KCNMA1: variants seen among roughly 807,000 people sequenced by gnomAD.
The protein encoded by KCNMA1 is potassium calcium-activated channel subfamily M alpha 1.
A neutral mutation model predicts 140.0 loss-of-function variants in KCNMA1; 29 were observed. The ratio of observed to expected loss-of-function variants is 0.21; its 90% CI spans 0.15 to 0.28. KCNMA1 has a LOEUF of 0.28. KCNMA1 is among the 10% of genes least tolerant of loss of function. The pLI is 1.00. For missense variants in KCNMA1, 880 were observed against 1,602.2 expected (o/e 0.55, Z 7.70); for synonymous variants, 612 against 611.9 (o/e 1.00, Z 0.00).
chr10:77,167,285 G>A (rs189692640), intron 5 of KCNMA1, among the ~76,000 whole-genome samples: 26 of 152,158 alleles, frequency 1.7e-4, no homozygotes, highest in Admixed American at 1.4e-3. Flanking sequence ...TTCCATCCAC[G>A]GTGCCACAAA....
At chr10:77,061,695 C>A (rs2095756585) in intron 14 of KCNMA1, among the ~76,000 whole-genome samples, 1 of 152,212 alleles carries the variant, frequency 6.6e-6, no homozygotes, top group Admixed American at 6.5e-5. Flanking sequence ...TCCACACAAA[C>A]TTCCATGTAA....
chr10:77,052,294 C>G (rs2095397545), intron 14 of KCNMA1, among the ~76,000 whole-genome samples: 2 of 152,098 alleles, frequency 1.3e-5, no homozygotes, highest in Admixed American at 1.3e-4. Context: ...TAAGTTAACT[C>G]TGGGTAGATA....
At chr10:76,876,045 G>A (rs186147986), downstream of KCNMA1, 3 of 152,684 alleles carry the variant, frequency 2.0e-5, no homozygotes, top group Admixed American at 6.5e-5. Flanking sequence ...GTGGAAGCAC[G>A]ACTATATTGG....
At chr10:77,337,613 CTG>C (rs756740336) in intron 2 of KCNMA1, among the ~76,000 whole-genome samples, 127 of 152,192 alleles carry the variant, frequency 8.3e-4, no homozygotes, top group Non-Finnish European at 1.5e-3. Context: ...GAGTGAGACT[CTG>C]TGTCAAAAAA....
In KCNMA1 at chr10:77,015,441, C is replaced by T. The variant is rs115940821; in HGVS notation, c.2016-3398G>A. Reference sequence around the variant, plus strand: ...CTTGTTGGTTTTCCTTTACTATTTGCCCATAACTTTACAGTCTCTTCATAA... The same window carrying T: ...CTTGTTGGTTTTCCTTTACTATTTGTCCATAACTTTACAGTCTCTTCATAA... On this transcript the variant is annotated intron_variant, in intron 17 of 27. Transcript: ENST00000286628. 5.4e-3 allele frequency among the ~76,000 whole-genome samples: 826 copies of T among 152,162 alleles called. 8 individuals are homozygous for T. Among genetic ancestry groups the T allele is most frequent in the African/African-American group, 0.019 (790 of 41,512 alleles).
intron 16 of KCNMA1, among the ~76,000 whole-genome samples, chr10:77,026,004 T>A (rs370915636): frequency 0.023 from 3,167 of 137,012 alleles, 84 homozygotes; most frequent in African/African-American, 0.064. Context: ...AAAAAATATA[T>A]ATATATATAT....
At chr10:77,220,612 G>T (rs1290534647) in intron 3 of KCNMA1, among the ~76,000 whole-genome samples, 1 of 152,194 alleles carries the variant, frequency 6.6e-6, no homozygotes, top group East Asian at 1.9e-4. Flanking sequence ...GTTTCAAGGG[G>T]TCTTTTCTAG....
intron 20 of KCNMA1, among the ~76,000 whole-genome samples, chr10:76,960,396 C>T (rs1294019811): frequency 6.6e-6 from 1 of 151,874 alleles, no homozygotes; most frequent in Non-Finnish European, 1.5e-5. Flanking sequence ...AAAAATTAGC[C>T]AGGCAGATGG....
intron 1 of KCNMA1, among the ~76,000 whole-genome samples, chr10:77,432,341 C>G (rs2097172411): frequency 1.3e-5 from 2 of 152,230 alleles, no homozygotes; most frequent in South Asian, 4.1e-4. Context: ...TACTCTTACT[C>G]TGTTATGCTC....
intron 2 of KCNMA1, among the ~76,000 whole-genome samples, chr10:77,311,203 C>T (rs1360877361): frequency 6.6e-6 from 1 of 152,200 alleles, no homozygotes; most frequent in Non-Finnish European, 1.5e-5. Context: ...CATTACCAAG[C>T]CTGCACAACT....
At chr10:76,946,822 A>G (rs559194150) in intron 22 of KCNMA1, among the ~76,000 whole-genome samples, 1 of 152,344 alleles carries the variant, frequency 6.6e-6, no homozygotes, top group African/African-American at 2.4e-5. Context: ...TTCAAACTAC[A>G]AGAAATACAA....
At chr10:77,093,725 A>G (rs1173474313) in intron 9 of KCNMA1, among the ~76,000 whole-genome samples, 1 of 152,190 alleles carries the variant, frequency 6.6e-6, no homozygotes, top group African/African-American at 2.4e-5. Context: ...TTGCATCCTC[A>G]ATTATTAGAG....
At chr10:77,326,458 C>T (rs2084247902) in intron 2 of KCNMA1, among the ~76,000 whole-genome samples, 1 of 152,122 alleles carries the variant, frequency 6.6e-6, no homozygotes, top group African/African-American at 2.4e-5. Context: ...AAGCACATAG[C>T]ACAGAATCTG....
chr10:77,637,550 C>T lies in KCNMA1; in HGVS notation c.93G>A (p.Ala31=), dbSNP rs200670519. 1.3e-6 allele frequency: 2 copies of T among 1,545,060 alleles called. No homozygotes were observed. Among genetic ancestry groups the T allele is most frequent in the Non-Finnish European group, 1.7e-6 (2 of 1,143,628 alleles). ...AGGACGCGTCTAGGCTGAGATGGTT[C>T]GCGTGGATATTGCTACTCATTCTAA... ...SSLRMSSNIH[A]NHLSLDASSS... Residue 31 remains alanine (A), a synonymous_variant, in exon 1 of 28, where the codon GCG becomes GCA. Transcript: ENST00000286628.
chr10:77,311,300 C>CAGG (rs1471352523), intron 2 of KCNMA1, among the ~76,000 whole-genome samples: 1 of 152,188 alleles, frequency 6.6e-6, no homozygotes, highest in African/African-American at 2.4e-5. Context: ...GGCCCAACAG[C>CAGG]AGGACCAGTA....
intron 2 of KCNMA1, among the ~76,000 whole-genome samples, chr10:77,297,455 C>G (rs1297225983): frequency 2.0e-5 from 3 of 152,146 alleles, no homozygotes; most frequent in African/African-American, 7.2e-5. Flanking sequence ...TATCATTTTC[C>G]TTCATTCAAG....
At chr10:77,249,158 G>T (rs1836700329) in intron 3 of KCNMA1, among the ~76,000 whole-genome samples, 1 of 152,146 alleles carries the variant, frequency 6.6e-6, no homozygotes, top group African/African-American at 2.4e-5. Flanking sequence ...AAAAGGTGAG[G>T]ACAGGACTGA....
chr10:77,575,174 A>G (rs7073168), intron 1 of KCNMA1, among the ~76,000 whole-genome samples: 2,244 of 152,282 alleles, frequency 0.015, 63 homozygotes, highest in African/African-American at 0.051. Context: ...CGAGCCGGCC[A>G]GCTCCCCAAC....
At chr10:77,519,013 C>T (rs2051734641) in intron 1 of KCNMA1, among the ~76,000 whole-genome samples, 1 of 152,212 alleles carries the variant, frequency 6.6e-6, no homozygotes, top group East Asian at 1.9e-4. Flanking sequence ...CTCTCAGCTC[C>T]ACACTACAAT....
Sources: gnomAD v4.1 joint callset for allele counts (sites outside exome capture counted in the v4.1 genomes callset) on GRCh38, gnomAD v4.1.1 for gene constraint, MANE v1.5 for transcripts, NCBI Gene and HGNC (gene_info 2026-07-23, HGNC 2026-07-21) for gene names.